The following CLCA2 variants were observed in gnomAD, a reference collection of about 807,000 sequenced individuals.
The protein encoded by CLCA2 is chloride channel accessory 2.
CLCA2 carries 85 observed loss-of-function variants against 82.9 expected under a neutral mutation model. That is an observed-to-expected ratio of 1.03 (90% CI 0.86 to 1.23). CLCA2 has a LOEUF of 1.23. Ranked by LOEUF, CLCA2 falls within the 50% of genes most tolerant of loss-of-function variation. The probability of loss-of-function intolerance (pLI) is 0.00; values close to 1 mark genes in which losing one functional copy is unlikely to be tolerated. For missense variants in CLCA2, 1,089 were observed against 1,124.8 expected (o/e 0.97, Z 0.45); for synonymous variants, 421 against 391.7 (o/e 1.07, Z -0.88).
chr1:86,440,064 G>A, intron 7 of CLCA2, 84 bp from the exon 8 acceptor site: 1 of 1,385,606 alleles, frequency 7.2e-7, no homozygotes, highest in Admixed American at 1.8e-5. Flanking sequence ...GCTACAGTGG[G>A]AATTTGGATG....
intron 6 of CLCA2, among the ~76,000 whole-genome samples, chr1:86,438,192 C>T (rs1662652251): frequency 6.6e-6 from 1 of 152,158 alleles, no homozygotes; most frequent in Non-Finnish European, 1.5e-5. Flanking sequence ...CATTGAAGCT[C>T]AGCTTGCTGC....
At chr1:86,440,376 C>T (rs754711265) in intron 8 of CLCA2, 51 bp downstream of exon 8, 2 of 1,478,380 alleles carry the variant, frequency 1.4e-6, no homozygotes, top group African/African-American at 2.8e-5. Context: ...TTTAACTTGA[C>T]TATCCAAGAC....
intron 10 of CLCA2, among the ~76,000 whole-genome samples, chr1:86,445,777 A>T (rs891332383): frequency 9.2e-5 from 14 of 152,186 alleles, no homozygotes; most frequent in Non-Finnish European, 1.8e-4. Context: ...TTTAATTTAT[A>T]AAAAAATGAG....
chr1:86,426,087 T>C (rs959021990), intron 2 of CLCA2, among the ~76,000 whole-genome samples: 3 of 152,122 alleles, frequency 2.0e-5, no homozygotes, highest in African/African-American at 4.8e-5. Context: ...CTCTCATAAG[T>C]TGCAGATCAT....
At chr1:86,453,333 T>C (rs1285992605) in intron 12 of CLCA2, 36 bp from the exon 13 acceptor site, 1 of 1,539,054 alleles carries the variant, frequency 6.5e-7, no homozygotes, top group Admixed American at 1.7e-5. Flanking sequence ...GCTTTGTAAT[T>C]TGTCATTTTG....
Position 86,439,109 on chromosome 1 carries a change from A to G in CLCA2, c.1203+3A>G. ...CAGGGCTTAAGAAAGGATTTGAGGT[A>G]CAGTAGAGCATCCTAAGCCTTGGAT... On this transcript the variant is annotated splice_donor_region_variant and intron_variant, in intron 7 of 13. Coordinates refer to ENST00000370565, the MANE Select transcript of CLCA2 (RefSeq NM_006536.7). The G allele has an allele frequency of 1.2e-6, 2 of 1,612,204 alleles. No individual in the cohort carries two copies. Among genetic ancestry groups the G allele is most frequent in the African/African-American group, 1.3e-5 (1 of 75,012 alleles).
At chr1:86,434,769 T>C (rs1386835661) in intron 6 of CLCA2, 24 bp downstream of exon 6, 2 of 1,504,518 alleles carry the variant, frequency 1.3e-6, no homozygotes, top group East Asian at 2.3e-5. Flanking sequence ...CGAAAATGAA[T>C]GTAAACATTT....
Position 86,453,412 on chromosome 1 carries a change from T to G in CLCA2, c.2199T>G (p.Asn733Lys). 1 of 1,613,952 alleles carries G rather than the reference T, an allele frequency of 6.2e-7. No homozygotes were observed. The highest frequency in any genetic ancestry group is 8.5e-7 in the Non-Finnish European group (1 of 1,179,992). Residue 733 changes from asparagine (N) to lysine (K), a missense_variant, in exon 13 of 14, where the codon AAT becomes AAG. Coordinates refer to ENST00000370565, the MANE Select transcript of CLCA2 (RefSeq NM_006536.7). ...CTCCAAGGAAATCAGTAGGCAGAAA[T>G]GAGGAGGAGCGAAAGTGGGGCTTTA... ...MNAPRKSVGR[N>K]EEERKWGFSR...
At chr1:86,427,533 T>A (rs1033313794) in intron 2 of CLCA2, among the ~76,000 whole-genome samples, 1 of 144,318 alleles carries the variant, frequency 6.9e-6, no homozygotes, top group African/African-American at 2.6e-5. Context: ...CAGACACAGA[T>A]GGACACACAT....
intron 12 of CLCA2, among the ~76,000 whole-genome samples, chr1:86,452,526 ACTT>A (rs1428197813): frequency 2.0e-5 from 3 of 152,162 alleles, no homozygotes; most frequent in African/African-American, 7.2e-5. Context: ...TCCTGTGTAA[ACTT>A]CTCTCCTGCC....
In CLCA2 at chr1:86,428,452, A is replaced by G. The variant is rs745655385; in HGVS notation, c.359A>G (p.His120Arg). ...ATAGTGACTGACTGGTATGGGGCAC[A>G]TGGAGATGATCCATACACCCTACAA... ...NVIVTDWYGA[H>R]GDDPYTLQYR... The change falls in exon 3 of 14, where the codon CAT becomes CGT. Residue 120 changes from histidine to arginine, a missense_variant. Transcript: ENST00000370565. 2.0e-5 allele frequency: 33 copies of G among 1,611,974 alleles called. No individual in the cohort carries two copies. The South Asian group carries it at 3.4e-4, about 17-fold the overall frequency.
chr1:86,445,412 G>A (rs867475754), intron 10 of CLCA2: 60 of 146,344 alleles, frequency 4.1e-4, no homozygotes, highest in African/African-American at 1.4e-3. Context: ...ATTCCAGATG[G>A]GAGGCTGAAT....
rs551989768 is a variant in CLCA2, at chr1:86,456,217, T to C, written c.*690T>C. ...TTCTAAGTTATTGCCTTGGTTATTA[T>C]GGATGATAGTTATAGCCCTTATAAT... On this transcript the variant is annotated 3_prime_UTR_variant, in exon 14 of 14. Coordinates refer to ENST00000370565, the MANE Select transcript of CLCA2 (RefSeq NM_006536.7). 2.6e-5 allele frequency: 4 copies of C among 152,348 alleles called. No individual in the cohort carries two copies. Among genetic ancestry groups the C allele is most frequent in the Non-Finnish European group, 5.9e-5 (4 of 68,036 alleles). The allele number at this position is 152,348 out of a possible 1,614,324, so 9.4% of individuals were successfully genotyped here. A position where few individuals can be genotyped will look rare whatever the true frequency, so the allele number is the denominator to read the frequency against.
Position 86,455,085 on chromosome 1 carries a change from C to T in CLCA2, c.2390C>T (p.Ala797Val). The stretch of plus-strand genomic sequence containing the variant: ...TCCTATTTATATTTTTTAATTTCAG[C>T]TACAAGCTATGAAATAAGAATGAGT... ...APGEDFDQGQ[A>V]TSYEIRMSKS... Residue 797 changes from alanine to valine, a missense_variant and splice_region_variant, in exon 14 of 14, where the codon GCT becomes GTT. By Grantham distance (64) the Ala-to-Val change is moderately conservative (BLOSUM62 0). Transcript: ENST00000370565. 1 of 1,483,710 alleles carries T rather than the reference C, an allele frequency of 6.7e-7. No homozygotes were observed. Among genetic ancestry groups the T allele is most frequent in the South Asian group, 1.4e-5 (1 of 71,742 alleles). The allele number at this position is 1,483,710 out of a possible 1,614,324, so 91.9% of individuals were successfully genotyped here. A position where few individuals can be genotyped will look rare whatever the true frequency, so the allele number is the denominator to read the frequency against.
intron 5 of CLCA2, among the ~76,000 whole-genome samples, chr1:86,434,032 G>C (rs1275541091): frequency 1.3e-5 from 2 of 151,968 alleles, no homozygotes; most frequent in East Asian, 3.9e-4. Flanking sequence ...AATTTAAGTT[G>C]TTTATCCCCT....
intron 11 of CLCA2, 82 bp from the exon 12 acceptor site, chr1:86,450,481 A>G: frequency 1.9e-6 from 2 of 1,059,212 alleles, no homozygotes; most frequent in South Asian, 1.9e-5. Context: ...GAATAAGGGG[A>G]GTAAATCTCA....
chr1:86,426,969 A>G (rs1662397152), intron 2 of CLCA2, among the ~76,000 whole-genome samples: 2 of 152,168 alleles, frequency 1.3e-5, no homozygotes, highest in Admixed American at 1.3e-4. Context: ...AAAGGAAACA[A>G]TCGTCCCTGG....
chr1:86,446,051 C>G (rs777358852), intron 10 of CLCA2, among the ~76,000 whole-genome samples: 3 of 152,084 alleles, frequency 2.0e-5, no homozygotes, highest in Non-Finnish European at 4.4e-5. Context: ...TGGACTCCCC[C>G]TGCTCCCAAC....
chr1:86,440,125 A>G (rs1662694375), intron 7 of CLCA2, 23 bp from the exon 8 acceptor site: 1 of 1,608,414 alleles, frequency 6.2e-7, no homozygotes, highest in Non-Finnish European at 8.5e-7. Context: ...CTTCCTTCCA[A>G]GTGACTAATT....
Sources: allele counts gnomAD v4.1 joint callset (sites outside exome capture counted in the v4.1 genomes callset), GRCh38; gene constraint gnomAD v4.1.1; transcripts MANE v1.5; gene names NCBI Gene and HGNC (gene_info 2026-07-23, HGNC 2026-07-21).